ZSWIM5: variants seen among roughly 807,000 people sequenced by gnomAD.
ZSWIM5 encodes zinc finger SWIM-type containing 5.
In ZSWIM5, 55 loss-of-function variants were observed where a neutral mutation model predicts 119.6. That is an observed-to-expected ratio of 0.46 (90% CI 0.37 to 0.58). The LOEUF is 0.58. ZSWIM5 is among the 20% of genes least tolerant of loss of function. ZSWIM5 has a pLI of 0.00. For synonymous variants in ZSWIM5, 537 were observed against 606.9 expected, an observed-to-expected ratio of 0.88 and a Z score of 1.69; for missense variants, 1,193 against 1,512.8, an observed-to-expected ratio of 0.79 and a Z score of 3.51.
At chr1:45,180,262 C>T (rs1051121285) in intron 1 of ZSWIM5, among the ~76,000 whole-genome samples, 6 of 152,180 alleles carry the variant, frequency 3.9e-5, no homozygotes, top group Non-Finnish European at 5.9e-5. Flanking sequence ...GCTTAGGAAA[C>T]GGCACACCAG....
intron 1 of ZSWIM5, among the ~76,000 whole-genome samples, chr1:45,129,437 G>A (rs1434888985): frequency 2.6e-5 from 4 of 152,064 alleles, no homozygotes; most frequent in Non-Finnish European, 5.9e-5. Flanking sequence ...GATTACAGGC[G>A]TGAGCCACCA....
At chr1:45,205,005 G>T (rs1450356585) in intron 1 of ZSWIM5, among the ~76,000 whole-genome samples, 1 of 151,984 alleles carries the variant, frequency 6.6e-6, no homozygotes, top group Non-Finnish European at 1.5e-5. Flanking sequence ...ATAACAAAAA[G>T]ATAAAAGCAA....
At chr1:45,115,251 A>T (rs1645545430) in intron 1 of ZSWIM5, among the ~76,000 whole-genome samples, 1 of 148,304 alleles carries the variant, frequency 6.7e-6, no homozygotes, top group Admixed American at 6.7e-5. Flanking sequence ...CTCCCGGGCG[A>T]GGTGGCTGCC....
intron 1 of ZSWIM5, among the ~76,000 whole-genome samples, chr1:45,175,327 C>A (rs1242729261): frequency 6.6e-6 from 1 of 152,134 alleles, no homozygotes; most frequent in Non-Finnish European, 1.5e-5. Context: ...CATTTGATCA[C>A]AGTAGTGTTT....
At chr1:45,090,434 C>T (rs1394712210) in intron 1 of ZSWIM5, among the ~76,000 whole-genome samples, 1 of 152,074 alleles carries the variant, frequency 6.6e-6, no homozygotes, top group Non-Finnish European at 1.5e-5. Flanking sequence ...AGATTAATTA[C>T]AGGTAAAGAC....
chr1:45,163,286 C>T (rs1326787116), intron 1 of ZSWIM5, among the ~76,000 whole-genome samples: 3 of 152,194 alleles, frequency 2.0e-5, no homozygotes, highest in African/African-American at 7.2e-5. Flanking sequence ...AAGAAACAAA[C>T]AGAAAGGACA....
chr1:45,151,382 T>C (rs894318235), intron 1 of ZSWIM5, among the ~76,000 whole-genome samples: 7 of 152,034 alleles, frequency 4.6e-5, no homozygotes, highest in African/African-American at 1.7e-4. Context: ...TGATGGATGT[T>C]TGCAAAATAA....
intron 1 of ZSWIM5, among the ~76,000 whole-genome samples, chr1:45,202,630 A>G (rs1646164568): frequency 6.6e-6 from 1 of 152,028 alleles, no homozygotes; most frequent in Non-Finnish European, 1.5e-5. Flanking sequence ...CATAACTAAG[A>G]TGTACCAGGC....
chr1:45,042,748 T>C (rs1345916131), intron 6 of ZSWIM5, among the ~76,000 whole-genome samples: 1 of 152,216 alleles, frequency 6.6e-6, no homozygotes, highest in Non-Finnish European at 1.5e-5. Flanking sequence ...TCTATCCTGT[T>C]ATCATGAACG....
chr1:45,029,098 C>A (rs965563079), intron 11 of ZSWIM5, among the ~76,000 whole-genome samples: 23 of 152,212 alleles, frequency 1.5e-4, no homozygotes, highest in African/African-American at 5.3e-4. Flanking sequence ...CTCTCCTACA[C>A]CCACAAGACA....
chr1:45,018,388 T>G lies in ZSWIM5; in HGVS notation c.*66A>C. ...CTCTCAGGGTGGACAAATGTTTCAG[T>G]GCCCTTGGCCTGACCTGATACTACC... On this transcript the variant is annotated 3_prime_UTR_variant, in exon 14 of 14. Transcript: ENST00000359600. The surrounding 1 kb of genome is among the most constrained non-coding windows in gnomAD (Gnocchi z 6.7). 1 of 1,555,464 alleles carries G rather than the reference T, an allele frequency of 6.4e-7. No individual in the cohort carries two copies. Among genetic ancestry groups the G allele is most frequent in the Non-Finnish European group, 8.7e-7 (1 of 1,150,780 alleles).
intron 1 of ZSWIM5, among the ~76,000 whole-genome samples, chr1:45,128,252 T>C (rs2149029650): frequency 6.6e-6 from 1 of 152,288 alleles, no homozygotes; most frequent in Admixed American, 6.5e-5. Flanking sequence ...ACTGTCTTAG[T>C]CTGTCATCAC....
chr1:45,056,138 T>A (rs188418587), intron 4 of ZSWIM5, among the ~76,000 whole-genome samples: 1 of 152,266 alleles, frequency 6.6e-6, no homozygotes, highest in Non-Finnish European at 1.5e-5. Flanking sequence ...GAAACCCAAC[T>A]GGAGTGGGCT....
At chr1:45,030,074 A>C in intron 11 of ZSWIM5, among the ~76,000 whole-genome samples, 1 of 152,136 alleles carries the variant, frequency 6.6e-6, no homozygotes, top group East Asian at 1.9e-4. Context: ...CCTCCTGAGT[A>C]GCTGGGACTA....
At chr1:45,108,201 G>A (rs565838487) in intron 1 of ZSWIM5, among the ~76,000 whole-genome samples, 5 of 152,230 alleles carry the variant, frequency 3.3e-5, no homozygotes, top group African/African-American at 1.2e-4. Context: ...CACATACAAG[G>A]TACATATGTT....
chr1:45,115,938 G>A lies in ZSWIM5; in HGVS notation c.596-27701C>T, dbSNP rs188102911. Among the ~76,000 whole-genome samples, 986 of 152,290 alleles carry A rather than the reference G, an allele frequency of 6.5e-3. 9 individuals are homozygous for A. The highest frequency in any genetic ancestry group is 0.023 in the African/African-American group (943 of 41,570). ...GGAGGTTGTAGCGAGCCGAGATCAC[G>A]CCACTGCACTCCAGCAAAAACCAGT... On this transcript the variant is annotated intron_variant, in intron 1 of 13. Coordinates refer to ENST00000359600, the MANE Select transcript of ZSWIM5 (RefSeq NM_020883.2).
At chr1:45,137,407 G>A (rs1188554685) in intron 1 of ZSWIM5, among the ~76,000 whole-genome samples, 1 of 151,910 alleles carries the variant, frequency 6.6e-6, no homozygotes, top group East Asian at 1.9e-4. Context: ...TTAGAAGAAA[G>A]GCAATAAACA....
At chr1:45,186,422 T>A (rs1271262469) in intron 1 of ZSWIM5, among the ~76,000 whole-genome samples, 50 of 145,584 alleles carry the variant, frequency 3.4e-4, no homozygotes, top group African/African-American at 9.4e-4. Context: ...AAAGAAAAAA[T>A]AATAATAAAA....
chr1:45,172,129 CA>C (rs565442370), intron 1 of ZSWIM5, among the ~76,000 whole-genome samples: 4 of 149,158 alleles, frequency 2.7e-5, no homozygotes, highest in Non-Finnish European at 4.5e-5. Context: ...ATGTAATGTT[CA>C]AAAAAAAAGG....
Sources: gnomAD v4.1 joint callset for allele counts (sites outside exome capture counted in the v4.1 genomes callset) on GRCh38, gnomAD v4.1.1 for gene constraint, Gnocchi (gnomAD v3.1) non-coding constraint, MANE v1.5 for transcripts, NCBI Gene and HGNC (gene_info 2026-07-23, HGNC 2026-07-21) for gene names.